Variants in ADAMTS5 observed in about 807,000 individuals in gnomAD.
The protein encoded by ADAMTS5 is A disintegrin and metalloproteinase with thrombospondin motifs 5.
Under a neutral mutation model 81.4 loss-of-function variants are expected in ADAMTS5, and 54 were observed. The ratio of observed to expected loss-of-function variants is 0.66; its 90% CI spans 0.53 to 0.83. The LOEUF (loss-of-function observed/expected upper bound fraction) is 0.83, where lower values mean the gene tolerates loss of function less well. Ranked by LOEUF, ADAMTS5 falls within the 40% of genes least tolerant of loss-of-function variation. The pLI, the probability that ADAMTS5 is intolerant of heterozygous loss-of-function variation, is 0.00. For synonymous variants in ADAMTS5, 532 were observed against 508.8 expected, an observed-to-expected ratio of 1.05 and a Z score of -0.61; for missense variants, 1,194 against 1,229.9, an observed-to-expected ratio of 0.97 and a Z score of 0.44.
chr21:26,940,275 T>A (rs1329686206), intron 3 of ADAMTS5, among the ~76,000 whole-genome samples: 1 of 152,236 alleles, frequency 6.6e-6, no homozygotes, highest in Non-Finnish European at 1.5e-5. Flanking sequence ...ATTGTATATG[T>A]GTTGTCAGAT....
intron 6 of ADAMTS5, among the ~76,000 whole-genome samples, chr21:26,930,587 G>T (rs2830584): frequency 6.6e-6 from 1 of 152,014 alleles, no homozygotes; most frequent in East Asian, 1.9e-4. Context: ...CCAAATTAGT[G>T]CAGAAAAAGG....
chr21:26,934,418 C>G, intron 4 of ADAMTS5, 48 bp downstream of exon 4: 306 of 1,589,268 alleles, frequency 1.9e-4, no homozygotes, highest in Non-Finnish European at 2.5e-4. Context: ...CAAGAATGCA[C>G]TTCACTTCTT....
chr21:26,961,061 C>T (rs925899738), intron 1 of ADAMTS5, among the ~76,000 whole-genome samples: 1 of 152,174 alleles, frequency 6.6e-6, no homozygotes, highest in Non-Finnish European at 1.5e-5. Flanking sequence ...ATCTCTGAAT[C>T]CCTCCTTGCC....
At chr21:26,929,779 T>G in intron 7 of ADAMTS5, 107 bp downstream of exon 7, 1 of 1,137,160 alleles carries the variant, frequency 8.8e-7, no homozygotes, top group Non-Finnish European at 1.2e-6. Flanking sequence ...ACGTTAGACC[T>G]CCTCATACAG....
At position 26,918,245 on chromosome 21, in the gene ADAMTS5, C is replaced by T. The variant is rs1986618545; in HGVS notation, c.*5808G>A. On this transcript the variant is annotated 3_prime_UTR_variant, in exon 8 of 8. Transcript: ENST00000284987. ...TTTTCAACTGCATTATATACCATTG[C>T]TTCTGGAAAATTGAGGGTAATAAGC... 2 of 152,384 alleles carry T rather than the reference C, an allele frequency of 1.3e-5. No homozygotes were observed. The highest frequency in any genetic ancestry group is 2.9e-5 in the Non-Finnish European group (2 of 67,904). The allele number at this position is 152,384 out of a possible 1,614,324, so 9.4% of individuals were successfully genotyped here. A position where few individuals can be genotyped will look rare whatever the true frequency, so the allele number is the denominator to read the frequency against.
At position 26,921,803 on chromosome 21, in the gene ADAMTS5, C is replaced by A. The variant is rs1030260060; in HGVS notation, c.*2250G>T. 1 of 152,322 alleles carries A rather than the reference C, an allele frequency of 6.6e-6. No individual in the cohort carries two copies. Among genetic ancestry groups the A allele is most frequent in the African/African-American group, 2.4e-5 (1 of 41,364 alleles). The allele number at this position is 152,322 out of a possible 1,614,324, so 9.4% of individuals were successfully genotyped here. On this transcript the variant is annotated 3_prime_UTR_variant, in exon 8 of 8. Coordinates refer to ENST00000284987, the MANE Select transcript of ADAMTS5 (RefSeq NM_007038.5). ...GATTGTTTCCATGACAGGTGTAAACCATCACTATTTGAGGGAAACATGAAT... is the reference window on the plus strand; with the variant it reads ...GATTGTTTCCATGACAGGTGTAAACAATCACTATTTGAGGGAAACATGAAT...
intron 3 of ADAMTS5, among the ~76,000 whole-genome samples, chr21:26,935,129 T>A (rs1986990598): frequency 6.6e-6 from 1 of 152,144 alleles, no homozygotes. Context: ...ATAATAATGA[T>A]AATGAAGCAT....
At chr21:26,945,592 C>T (rs1012842258) in intron 2 of ADAMTS5, among the ~76,000 whole-genome samples, 2 of 152,086 alleles carry the variant, frequency 1.3e-5, no homozygotes, top group African/African-American at 2.4e-5. Flanking sequence ...ATGGCAGACA[C>T]GAAATTCACT....
At position 26,965,691 on chromosome 21, in the gene ADAMTS5, A is replaced by G. The variant is rs1455006379; in HGVS notation, c.701T>C (p.Leu234Pro). 1 of 1,582,926 alleles carries G rather than the reference A, an allele frequency of 6.3e-7. No homozygotes were observed. Among genetic ancestry groups the G allele is most frequent in the East Asian group, 2.3e-5 (1 of 42,834 alleles). Residue 234 changes from leucine (L) to proline (P), a missense_variant, in exon 1 of 8, where the codon CTG (leucine) becomes CCG (proline). Physicochemically the swap from Leu to Pro is moderately conservative, Grantham distance 98. Around this residue, in one of 2 missense-constraint regions of ADAMTS5, gnomAD observed 498 missense variants for 412.3 expected, o/e 1.21. Transcript: ENST00000284987. ...GGACTGGTCCAAGAGCTGCGAGGCCAGTGCTGCGCGTCCGCTCGGGTTGCT... is the reference window on the plus strand; with the variant it reads ...GGACTGGTCCAAGAGCTGCGAGGCCGGTGCTGCGCGTCCGCTCGGGTTGCT... ...AHSNPSGRAA[L>P]ASQLLDQSAL...
intron 2 of ADAMTS5, among the ~76,000 whole-genome samples, chr21:26,952,980 C>T (rs1311921474): frequency 1.3e-5 from 2 of 152,200 alleles, no homozygotes; most frequent in African/African-American, 4.8e-5. Flanking sequence ...CAGTCAAGCA[C>T]ATACATAGAT....
At chr21:26,946,084 T>C (rs1184997715) in intron 2 of ADAMTS5, among the ~76,000 whole-genome samples, 1 of 152,034 alleles carries the variant, frequency 6.6e-6, no homozygotes, top group Non-Finnish European at 1.5e-5. Context: ...GCACCCAAAG[T>C]AACAGGCAGC....
chr21:26,962,338 G>A (rs982172682), intron 1 of ADAMTS5, among the ~76,000 whole-genome samples: 3 of 152,220 alleles, frequency 2.0e-5, no homozygotes, highest in Non-Finnish European at 2.9e-5. Context: ...TCTACTGTTT[G>A]ATGGCAGAAG....
chr21:26,918,610 C>T lies in ADAMTS5; in HGVS notation c.*5443G>A, dbSNP rs1986626818. On this transcript the variant is annotated 3_prime_UTR_variant, in exon 8 of 8. Coordinates refer to ENST00000284987, the MANE Select transcript of ADAMTS5 (RefSeq NM_007038.5). ...TTACGTTGTGCCTGAGTGTATAATGCAAAAATAGCATCCAGAGATTATATA... is the reference window on the plus strand; with the variant it reads ...TTACGTTGTGCCTGAGTGTATAATGTAAAAATAGCATCCAGAGATTATATA... 6.6e-6 allele frequency: 1 copy of T among 151,840 alleles called. No individual in the cohort carries two copies. The highest frequency in any genetic ancestry group is 1.5e-5 in the Non-Finnish European group (1 of 67,902). The allele number at this position is 151,840 out of a possible 1,614,324, so 9.4% of individuals were successfully genotyped here. A position where few individuals can be genotyped will look rare whatever the true frequency, so the allele number is the denominator to read the frequency against.
chr21:26,956,202 C>A (rs1212948989), intron 1 of ADAMTS5, among the ~76,000 whole-genome samples: 1 of 152,204 alleles, frequency 6.6e-6, no homozygotes, highest in Non-Finnish European at 1.5e-5. Context: ...TATTTTGCTG[C>A]ATAAAAATCC....
In ADAMTS5 at chr21:26,966,473, G is replaced by T; in HGVS notation, c.-82C>A. On this transcript the variant is annotated 5_prime_UTR_variant, in exon 1 of 8. Transcript: ENST00000284987. ...TTGCTATGAAGTTAACGGGGCGGGG[G>T]ATGGGGACACACACACACTTGCTTG... 4.5e-6 allele frequency: 6 copies of T among 1,333,046 alleles called. No individual in the cohort carries two copies. Among genetic ancestry groups the T allele is most frequent in the Non-Finnish European group, 4.8e-6 (5 of 1,034,922 alleles). The allele number at this position is 1,333,046 out of a possible 1,614,324, so 82.6% of individuals were successfully genotyped here.
chr21:26,931,930 G>A (rs768587489), intron 6 of ADAMTS5, 74 bp downstream of exon 6: 123 of 1,433,360 alleles, frequency 8.6e-5, no homozygotes, highest in Non-Finnish European at 1.0e-4. Flanking sequence ...TACGTCTGGC[G>A]TCCGCAGGCT....
chr21:26,943,440 A>G lies in ADAMTS5; in HGVS notation c.1345T>C (p.Ser449Pro). The change falls in exon 3 of 8, where the codon TCT becomes CCT. Residue 449 changes from serine (S) to proline (P), a missense_variant. By Grantham distance (74) the Ser-to-Pro change is moderately conservative (BLOSUM62 -1). This residue lies in a region of ADAMTS5 where 696 missense variants were observed against 817.6 expected (regional missense o/e 0.85). Transcript: ENST00000284987. ...MSSILTSIDA[S>P]KPWSKCTSAT... ...GAAGTGCATTTGGACCAGGGCTTAG[A>G]TGCATCAATGCTGGTAAGGATGGAA... 1.2e-6 allele frequency: 2 copies of G among 1,613,742 alleles called. No homozygotes were observed. The highest frequency in any genetic ancestry group is 2.2e-5 in the South Asian group (2 of 91,058).
At chr21:26,943,059 T>G (rs1386613648) in intron 3 of ADAMTS5, among the ~76,000 whole-genome samples, 1 of 152,132 alleles carries the variant, frequency 6.6e-6, no homozygotes, top group Non-Finnish European at 1.5e-5. Context: ...TCTGCCAAAG[T>G]TCTCACAGGA....
intron 1 of ADAMTS5, among the ~76,000 whole-genome samples, chr21:26,955,289 A>G (rs1350536904): frequency 6.6e-6 from 1 of 152,224 alleles, no homozygotes; most frequent in African/African-American, 2.4e-5. Flanking sequence ...AACTGCAGCC[A>G]GACGTCTGCA....
Sources: gnomAD v4.1 joint callset for allele counts (sites outside exome capture counted in the v4.1 genomes callset) on GRCh38, gnomAD v4.1.1 for gene constraint, gnomAD v4.1.1 regional missense constraint, MANE v1.5 for transcripts, NCBI Gene and HGNC (gene_info 2026-07-23, HGNC 2026-07-21) for gene names.